The following SPOCK1 variants were observed in gnomAD, a reference collection of about 807,000 sequenced individuals.
SPOCK1 encodes SPARC (osteonectin), cwcv and kazal like domains proteoglycan 1.
In SPOCK1, 23 loss-of-function variants were observed where a neutral mutation model predicts 55.3. The observed-to-expected ratio is 0.42, with a 90% CI of 0.30 to 0.59. The LOEUF is 0.59. SPOCK1 is among the 20% of genes least tolerant of loss of function. The pLI is 0.22. For synonymous variants in SPOCK1, 226 were observed against 221.0 expected, an observed-to-expected ratio of 1.02 and a Z score of -0.20; for missense variants, 499 against 552.5, an observed-to-expected ratio of 0.90 and a Z score of 0.97.
At chr5:137,384,888 AC>A (rs1289807789) in intron 2 of SPOCK1, among the ~76,000 whole-genome samples, 2 of 151,690 alleles carry the variant, frequency 1.3e-5, no homozygotes, top group Non-Finnish European at 2.9e-5. Flanking sequence ...ATCTGCGAAG[AC>A]CCTCTTTCTA....
chr5:137,420,545 AATTTATCC>A (rs1752464932), intron 2 of SPOCK1, among the ~76,000 whole-genome samples: 1 of 152,096 alleles, frequency 6.6e-6, no homozygotes, highest in Non-Finnish European at 1.5e-5. Context: ...TGTGTCTAGG[AATTTATCC>A]ATTTCTTCTA....
intron 4 of SPOCK1, among the ~76,000 whole-genome samples, chr5:137,138,440 A>G (rs2090488733): frequency 6.6e-6 from 1 of 152,008 alleles, no homozygotes; most frequent in Non-Finnish European, 1.5e-5. Context: ...ACTTCCAGAA[A>G]GGGCTATATC....
intron 3 of SPOCK1, among the ~76,000 whole-genome samples, chr5:137,155,774 T>C (rs2127047217): frequency 6.6e-6 from 1 of 152,334 alleles, no homozygotes; most frequent in South Asian, 2.1e-4. Context: ...CATGTTCCTT[T>C]CTCTGACAAA....
chr5:137,130,320 C>A (rs1239711266), intron 4 of SPOCK1, among the ~76,000 whole-genome samples: 3 of 152,108 alleles, frequency 2.0e-5, no homozygotes, highest in Non-Finnish European at 4.4e-5. Flanking sequence ...TAGACTATGC[C>A]CACTCATCAT....
At position 136,979,478 on chromosome 5, in the gene SPOCK1, A is replaced by T. The variant is rs1357515786; in HGVS notation, c.992-9T>A. 1 of 1,610,408 alleles carries T rather than the reference A, an allele frequency of 6.2e-7. No individual in the cohort carries two copies. The highest frequency in any genetic ancestry group is 1.7e-5 in the Admixed American group (1 of 59,434). On this transcript the variant is annotated splice_polypyrimidine_tract_variant and intron_variant, in intron 9 of 10. Coordinates refer to ENST00000394945, the MANE Select transcript of SPOCK1 (RefSeq NM_004598.4). ...CCGAGGTATGAAGGCCCCTGGGGGA[A>T]CAAAAGGTGCAACTTTAATCAGAGA...
intron 2 of SPOCK1, among the ~76,000 whole-genome samples, chr5:137,284,534 C>A (rs544250844): frequency 6.6e-6 from 1 of 152,280 alleles, no homozygotes; most frequent in East Asian, 1.9e-4. Flanking sequence ...TGGAAGGAAG[C>A]GGACGGAAGG....
chr5:137,345,569 C>T (rs528293447), intron 2 of SPOCK1, among the ~76,000 whole-genome samples: 8 of 152,322 alleles, frequency 5.3e-5, no homozygotes, highest in Admixed American at 4.6e-4. Context: ...GCAGGGCTGA[C>T]CATCTGTATT....
chr5:137,422,099 T>C (rs1752511819), intron 2 of SPOCK1, among the ~76,000 whole-genome samples: 1 of 152,378 alleles, frequency 6.6e-6, no homozygotes, highest in Admixed American at 6.5e-5. Context: ...TGAAAATTCT[T>C]TTCTCTAAGG....
At chr5:137,029,196 T>C (rs1359059691) in intron 6 of SPOCK1, among the ~76,000 whole-genome samples, 1 of 152,202 alleles carries the variant, frequency 6.6e-6, no homozygotes, top group Non-Finnish European at 1.5e-5. Flanking sequence ...TTTTGGTTTA[T>C]AGAACAGTCT....
intron 3 of SPOCK1, among the ~76,000 whole-genome samples, chr5:137,198,708 G>A (rs1041305605): frequency 3.3e-5 from 5 of 151,966 alleles, no homozygotes; most frequent in East Asian, 1.9e-4. Flanking sequence ...TTGTGGCAAC[G>A]TTTTTCTTAA....
At chr5:136,992,257 G>C (rs1750962580) in intron 7 of SPOCK1, among the ~76,000 whole-genome samples, 2 of 152,048 alleles carry the variant, frequency 1.3e-5, no homozygotes, top group African/African-American at 4.8e-5. Flanking sequence ...AAACCTTAAA[G>C]TATGTACCAC....
At chr5:137,491,685 C>T (rs1007506028) in intron 2 of SPOCK1, among the ~76,000 whole-genome samples, 10 of 152,164 alleles carry the variant, frequency 6.6e-5, no homozygotes, top group African/African-American at 2.4e-4. Flanking sequence ...AGAATTTCCA[C>T]CTCTCAGAGA....
At chr5:137,498,258 C>A in intron 2 of SPOCK1, 115 bp downstream of exon 2, 2 of 1,061,460 alleles carry the variant, frequency 1.9e-6, no homozygotes, top group Non-Finnish European at 2.4e-6. Context: ...CACCTGTCCC[C>A]CTCCCAACCA....
intron 2 of SPOCK1, among the ~76,000 whole-genome samples, chr5:137,368,754 T>C (rs977165994): frequency 1.3e-5 from 2 of 152,196 alleles, no homozygotes; most frequent in Non-Finnish European, 2.9e-5. Context: ...CTGTCCCCAC[T>C]GCTTCCACAT....
chr5:137,185,985 C>T (rs542740440), intron 3 of SPOCK1, among the ~76,000 whole-genome samples: 4 of 152,264 alleles, frequency 2.6e-5, no homozygotes, highest in Admixed American at 1.3e-4. Flanking sequence ...GGCAGCGTAT[C>T]GAAACAAATT....
chr5:137,280,529 G>A (rs892409246), intron 2 of SPOCK1, among the ~76,000 whole-genome samples: 1 of 152,096 alleles, frequency 6.6e-6, no homozygotes, highest in Non-Finnish European at 1.5e-5. Flanking sequence ...TTTTATTTTT[G>A]CTTCCAAATT....
intron 2 of SPOCK1, among the ~76,000 whole-genome samples, chr5:137,300,964 C>G (rs1312471679): frequency 6.6e-6 from 1 of 152,092 alleles, no homozygotes; most frequent in Non-Finnish European, 1.5e-5. Flanking sequence ...TTTTTTTCCT[C>G]AAAGAGAAGA....
At chr5:137,352,979 A>G (rs1415411225) in intron 2 of SPOCK1, among the ~76,000 whole-genome samples, 6 of 152,060 alleles carry the variant, frequency 3.9e-5, no homozygotes, top group African/African-American at 1.5e-4. Flanking sequence ...GATGGCTATC[A>G]TCTTTGCAGT....
At chr5:136,994,340 C>T (rs1441687408) in intron 6 of SPOCK1, among the ~76,000 whole-genome samples, 2 of 152,152 alleles carry the variant, frequency 1.3e-5, no homozygotes, top group East Asian at 3.9e-4. Flanking sequence ...TCTCAGGAGT[C>T]GCGCTGGCTG....
Sources: gnomAD v4.1 joint callset for allele counts (sites outside exome capture counted in the v4.1 genomes callset) on GRCh38, gnomAD v4.1.1 for gene constraint, MANE v1.5 for transcripts, NCBI Gene and HGNC (gene_info 2026-07-23, HGNC 2026-07-21) for gene names.